PRIM2: variants seen among roughly 807,000 people sequenced by gnomAD.
PRIM2 encodes DNA primase large subunit.
Under a neutral mutation model 67.3 loss-of-function variants are expected in PRIM2, and 39 were observed. The ratio of observed to expected loss-of-function variants is 0.58; its 90% CI spans 0.45 to 0.76. The LOEUF (loss-of-function observed/expected upper bound fraction) is 0.76, where lower values mean the gene tolerates loss of function less well. PRIM2 is among the 30% of genes least tolerant of loss of function. The pLI, the probability that PRIM2 is intolerant of heterozygous loss-of-function variation, is 0.00. For missense variants in PRIM2, 398 were observed against 598.7 expected, an observed-to-expected ratio of 0.66 and a Z score of 3.50; for synonymous variants, 143 against 198.7, an observed-to-expected ratio of 0.72 and a Z score of 2.36.
At chr6:57,236,572 C>T in the PRIM2 span, among the ~76,000 whole-genome samples, 1 of 152,084 alleles carries the variant, frequency 6.6e-6, no homozygotes, top group Non-Finnish European at 1.5e-5. Context: ...CCTCTCCCCC[C>T]ACCCCACAAC....
Position 57,573,180 on chromosome 6 carries a change from A to G in PRIM2, c.1021-27913A>G, listed in dbSNP as rs1775894594. 4.6e-5 allele frequency among the ~76,000 whole-genome samples: 7 copies of G among 152,218 alleles called. No individual in the cohort carries two copies. In the South Asian group the frequency reaches 1.4e-3, roughly 31 times the overall value. On this transcript the variant is annotated intron_variant, in intron 10 of 13. Coordinates refer to ENST00000615550, the MANE Select transcript of PRIM2 (RefSeq NM_000947.5). Reference sequence around the variant, plus strand: ...TTGTCAACTTGTCTTGGGGATTATTATTATTCAACAAATTACTCTTTAAGC... The same window carrying G: ...TTGTCAACTTGTCTTGGGGATTATTGTTATTCAACAAATTACTCTTTAAGC...
chr6:57,586,422 AC>A (rs1447426152), intron 10 of PRIM2, among the ~76,000 whole-genome samples: 36 of 152,186 alleles, frequency 2.4e-4, no homozygotes, highest in African/African-American at 8.7e-4. Flanking sequence ...ATGTCCAGGA[AC>A]CTGTAGTGGC....
the PRIM2 span, among the ~76,000 whole-genome samples, chr6:57,245,299 T>C: frequency 6.6e-6 from 1 of 152,168 alleles, no homozygotes; most frequent in East Asian, 1.9e-4. Context: ...AGATCAAAGA[T>C]AAAATTGTTA....
At chr6:57,386,215 G>T (rs1770140618) in intron 7 of PRIM2, among the ~76,000 whole-genome samples, 1 of 150,920 alleles carries the variant, frequency 6.6e-6, no homozygotes, top group African/African-American at 2.4e-5. Flanking sequence ...GTGAGAATCA[G>T]TCTCTACTAA....
chr6:57,476,105 C>T (rs1773472192), intron 7 of PRIM2, among the ~76,000 whole-genome samples: 1 of 152,028 alleles, frequency 6.6e-6, no homozygotes, highest in African/African-American at 2.4e-5. Flanking sequence ...ACTCTATATT[C>T]TACAGGTTTA....
intron 5 of PRIM2, among the ~76,000 whole-genome samples, chr6:57,336,044 G>A (rs1237705199): frequency 2.0e-5 from 3 of 152,008 alleles, no homozygotes; most frequent in Non-Finnish European, 4.4e-5. Flanking sequence ...ACCAAGGCTC[G>A]AGAACTACGT....
At chr6:57,307,405 C>A in the PRIM2 span, among the ~76,000 whole-genome samples, 2 of 151,702 alleles carry the variant, frequency 1.3e-5, no homozygotes, top group South Asian at 4.2e-4. Flanking sequence ...AGGCACCCGC[C>A]ACCACACCTG....
At chr6:57,266,280 C>A in the PRIM2 span, among the ~76,000 whole-genome samples, 7 of 152,234 alleles carry the variant, frequency 4.6e-5, no homozygotes, top group Admixed American at 4.6e-4. Context: ...GAAAACTTGG[C>A]CATTTGCTCA....
At chr6:57,288,569 G>A in the PRIM2 span, among the ~76,000 whole-genome samples, 3 of 152,228 alleles carry the variant, frequency 2.0e-5, no homozygotes, top group East Asian at 3.9e-4. Context: ...CATAGAGACA[G>A]GGGGCCCCTC....
the PRIM2 span, among the ~76,000 whole-genome samples, chr6:57,280,728 CG>C: frequency 6.6e-6 from 1 of 152,068 alleles, no homozygotes; most frequent in Non-Finnish European, 1.5e-5. Flanking sequence ...CGGCTGGTCT[CG>C]AACTCCTGAC....
At chr6:57,536,055 C>A (rs1296674436) in intron 9 of PRIM2, among the ~76,000 whole-genome samples, 1 of 152,046 alleles carries the variant, frequency 6.6e-6, no homozygotes, top group African/African-American at 2.4e-5. Flanking sequence ...CTAGTTAGTT[C>A]TAGATATAGA....
chr6:57,249,442 T>TAAGGGA, the PRIM2 span, among the ~76,000 whole-genome samples: 5 of 152,036 alleles, frequency 3.3e-5, no homozygotes, highest in African/African-American at 1.2e-4. Context: ...TAATGTGACA[T>TAAGGGA]AAAGAATACC....
the PRIM2 span, among the ~76,000 whole-genome samples, chr6:57,290,889 G>C: frequency 2.6e-5 from 4 of 152,148 alleles, no homozygotes; most frequent in African/African-American, 9.7e-5. Flanking sequence ...ATGCCCACAA[G>C]AGAAAGCAGG....
upstream of PRIM2, among the ~76,000 whole-genome samples, chr6:57,310,858 G>C (rs1014458548): frequency 1.3e-5 from 2 of 148,312 alleles, no homozygotes; most frequent in African/African-American, 5.0e-5. Context: ...TCCCAGACAG[G>C]GCAGCAGCTG....
At chr6:57,618,018 A>C (rs1440117738) in intron 12 of PRIM2, among the ~76,000 whole-genome samples, 1 of 152,126 alleles carries the variant, frequency 6.6e-6, no homozygotes, top group Non-Finnish European at 1.5e-5. Flanking sequence ...ATGGTCTTGC[A>C]CCCTTGTCAA....
intron 10 of PRIM2, among the ~76,000 whole-genome samples, chr6:57,548,019 T>C (rs1349630618): frequency 1.3e-5 from 2 of 152,202 alleles, no homozygotes; most frequent in East Asian, 1.9e-4. Flanking sequence ...GGGCCCACAA[T>C]TGGTGGTTTA....
chr6:57,291,751 G>A, the PRIM2 span, among the ~76,000 whole-genome samples: 1 of 152,086 alleles, frequency 6.6e-6, no homozygotes, highest in African/African-American at 2.4e-5. Flanking sequence ...AAAACCACAC[G>A]ATTATCTCAA....
chr6:57,451,029 A>T (rs1372208690), intron 7 of PRIM2, among the ~76,000 whole-genome samples: 1 of 152,170 alleles, frequency 6.6e-6, no homozygotes, highest in African/African-American at 2.4e-5. Flanking sequence ...CCTGAAATTT[A>T]CCTTGATGAT....
At chr6:57,500,524 T>A (rs1480240122) in intron 7 of PRIM2, among the ~76,000 whole-genome samples, 1 of 152,216 alleles carries the variant, frequency 6.6e-6, no homozygotes, top group Non-Finnish European at 1.5e-5. Context: ...CTGCAAAGAA[T>A]GGAAGGCAGT....
Sources: gnomAD v4.1 joint callset for allele counts (sites outside exome capture counted in the v4.1 genomes callset) on GRCh38, gnomAD v4.1.1 for gene constraint, MANE v1.5 for transcripts, NCBI Gene and HGNC (gene_info 2026-07-23, HGNC 2026-07-21) for gene names.